SFXN3: variants seen among roughly 807,000 people sequenced by gnomAD.
The protein encoded by SFXN3 is sideroflexin-3.
Under a neutral mutation model 40.4 loss-of-function variants are expected in SFXN3, and 31 were observed. The ratio of observed to expected loss-of-function variants is 0.77; its 90% CI spans 0.58 to 1.04. The LOEUF (loss-of-function observed/expected upper bound fraction) is 1.04, where lower values mean the gene tolerates loss of function less well. Among genes scored for constraint, SFXN3 ranks in the 50% least tolerant of loss-of-function variants. The probability of loss-of-function intolerance (pLI) is 0.00; values close to 1 mark genes in which losing one functional copy is unlikely to be tolerated. For synonymous variants in SFXN3, 157 were observed against 160.0 expected, an observed-to-expected ratio of 0.98 and a Z score of 0.14; for missense variants, 366 against 408.2, an observed-to-expected ratio of 0.90 and a Z score of 0.89.
Position 101,036,623 on chromosome 10 carries a change from T to C in SFXN3, c.507+62T>C, listed in dbSNP as rs747496621. The C allele has an allele frequency of 1.2e-6, 2 of 1,612,858 alleles. No individual in the cohort carries two copies. Among genetic ancestry groups the C allele is most frequent in the Non-Finnish European group, 8.5e-7 (1 of 1,179,352 alleles). ...CCTCTATCTGCCTCCTTCTTCCTCA[T>C]CACACCTCCAGTTCTGACCTATATG... is the stretch of plus-strand genomic sequence containing the variant. On this transcript the variant is annotated intron_variant, in intron 6 of 11. Transcript: ENST00000393459. The surrounding 1 kb of genome is among the most constrained non-coding windows in gnomAD (Gnocchi z 4.2).
rs201003351 is a variant in SFXN3, at chr10:101,037,235, A to G, written c.721+32A>G. 281 of 1,613,318 alleles carry G rather than the reference A, an allele frequency of 1.7e-4. 1 individual carries two copies. The Middle Eastern group carries it at 7.1e-3, about 41-fold the overall frequency. ...CGGGAGTGGCTGGGTGGGGCATAGGAGACTCTGAGAGAAGCAGGTGCAGTT... is the reference window on the plus strand; with the variant it reads ...CGGGAGTGGCTGGGTGGGGCATAGGGGACTCTGAGAGAAGCAGGTGCAGTT... On this transcript the variant is annotated intron_variant, in intron 8 of 11. Transcript: ENST00000393459.
intron 9 of SFXN3, 74 bp from the exon 10 acceptor site, chr10:101,038,569 C>CTA: frequency 6.2e-7 from 1 of 1,612,838 alleles, no homozygotes; most frequent in Non-Finnish European, 8.5e-7. Flanking sequence ...TGGGATAGAG[C>CTA]TATGGTGGGT....
chr10:101,039,578 G>C lies in SFXN3; in HGVS notation c.959G>C (p.Gly320Ala). 6.2e-7 allele frequency: 1 copy of C among 1,614,042 alleles called. No individual in the cohort carries two copies. Among genetic ancestry groups the C allele is most frequent in the Non-Finnish European group, 8.5e-7 (1 of 1,179,934 alleles). ...GTTGAAGTGGTCTACTACAACAAGG[G>C]GCTTTGAGGAGGGTCAGCCTCTGTC... The change falls in exon 12 of 12, where the codon GGG (glycine) becomes GCG (alanine). Residue 320 changes from glycine to alanine, a missense_variant. By Grantham distance (60) the Gly-to-Ala change is moderately conservative (BLOSUM62 0). Transcript: ENST00000393459. This position sits in a 1 kb window ranked among gnomAD's most constrained non-coding sequence, Gnocchi z 4.6.
At chr10:101,038,644 G>C (rs149861682) in exon 10 of SFXN3, 1 of 1,613,556 alleles carries the variant, frequency 6.2e-7, no homozygotes, top group African/African-American at 1.3e-5. Flanking sequence ...TCTCCACAGC[G>C]CCGCCCCTGG....
intron 2 of SFXN3, among the ~76,000 whole-genome samples, chr10:101,032,803 G>A (rs959017840): frequency 5.3e-5 from 8 of 152,166 alleles, no homozygotes; most frequent in African/African-American, 1.7e-4. Context: ...TGAGTGTGAG[G>A]GGAGGGCGTC....
Position 101,039,697 on chromosome 10 carries a change from G to T in SFXN3, c.*112G>T. The T allele has an allele frequency of 1.9e-6, 2 of 1,042,408 alleles. No homozygotes were observed. Among genetic ancestry groups the T allele is most frequent in the Admixed American group, 1.9e-5 (1 of 52,390 alleles). The allele number at this position is 1,042,408 out of a possible 1,614,324, so 64.6% of individuals were successfully genotyped here. On this transcript the variant is annotated 3_prime_UTR_variant, in exon 12 of 12. Transcript: ENST00000393459. The surrounding 1 kb of genome is among the most constrained non-coding windows in gnomAD (Gnocchi z 4.6). ...TAGCACTGGGCAGGGGCCTTGGTGG[G>T]CAGATGGCAATTGAGGGTAGCAACC...
At chr10:101,037,961 A>C in intron 9 of SFXN3, 1 of 600,980 alleles carries the variant, frequency 1.7e-6, no homozygotes, top group African/African-American at 2.0e-5. Context: ...TCTGATGCAG[A>C]AACCAATAAA....
chr10:101,032,352 G>A, exon 2 of SFXN3: 9 of 1,241,798 alleles, frequency 7.2e-6, no homozygotes, highest in Non-Finnish European at 9.7e-6. Flanking sequence ...GGGCGCGGCC[G>A]GGAAGCTCCT....
chr10:101,038,060 G>T, intron 9 of SFXN3: 1 of 239,126 alleles, frequency 4.2e-6, no homozygotes, highest in Non-Finnish European at 7.1e-6. Flanking sequence ...AGATTCATGG[G>T]GGAGAGCTGT....
chr10:101,038,411 AG>A, intron 9 of SFXN3: 1 of 1,412,814 alleles, frequency 7.1e-7, no homozygotes, highest in Non-Finnish European at 9.2e-7. Context: ...ACCAATTCTG[AG>A]AGGTGAGAGG....
exon 2 of SFXN3, chr10:101,032,433 G>A: frequency 1.3e-6 from 2 of 1,523,450 alleles, no homozygotes; most frequent in Non-Finnish European, 1.8e-6. Context: ...CGGCGACAGC[G>A]GAGGCAGAGA....
At chr10:101,037,185 A>G in exon 8 of SFXN3, 2 of 1,614,028 alleles carry the variant, frequency 1.2e-6, no homozygotes, top group South Asian at 1.1e-5. Flanking sequence ...AAGAATCTGC[A>G]TGGCGATTCC....
In SFXN3 at chr10:101,036,361, G is replaced by T. The variant is rs903498827; in HGVS notation, c.432-125G>T. On this transcript the variant is annotated intron_variant, in intron 5 of 11. Transcript: ENST00000393459. The surrounding 1 kb of genome is among the most constrained non-coding windows in gnomAD (Gnocchi z 4.2). ...AAGTTTACGCCGGAGATGGAGGGAA[G>T]GCTTCTTCTGCAAGGAGCTTCCCCT... 4.2e-6 allele frequency: 4 copies of T among 943,138 alleles called. No individual in the cohort carries two copies. In the African/African-American group the frequency reaches 4.9e-5, roughly 12 times the overall value. 58.4% of individuals were successfully genotyped at this position (943,138 alleles called of 1,614,324 possible). A position where few individuals can be genotyped will look rare whatever the true frequency, so the allele number is the denominator to read the frequency against.
chr10:101,032,161 G>C (rs1375253771), intron 1 of SFXN3, 153 bp from the exon 2 acceptor site: 1 of 346,958 alleles, frequency 2.9e-6, no homozygotes, highest in Non-Finnish European at 5.2e-6. Flanking sequence ...AACCAAGGGA[G>C]CAGCGCCCGC....
exon 12 of SFXN3, chr10:101,040,746 CTAGT>C (rs1323932759): frequency 1.3e-5 from 2 of 152,114 alleles, no homozygotes; most frequent in East Asian, 3.9e-4. Context: ...CCACATCTTG[CTAGT>C]TTTGTATTTT....
At chr10:101,034,951 C>A in intron 3 of SFXN3, 96 bp downstream of exon 3, 11 of 1,459,544 alleles carry the variant, frequency 7.5e-6, no homozygotes, top group East Asian at 2.3e-5. Flanking sequence ...TTGACAGTGA[C>A]CCTGTCCCTC....
chr10:101,038,947 T>A lies in SFXN3; in HGVS notation c.822-228T>A, dbSNP rs148685645. On this transcript the variant is annotated intron_variant, in intron 10 of 11. Transcript: ENST00000393459. ...CATGGAAATGTACCTTTTGGTGCCA[T>A]CCAGGAGATTCATGCCCATTTAATT... 4.1e-3 allele frequency among the ~76,000 whole-genome samples: 617 copies of A among 152,236 alleles called. 4 individuals are homozygous for A. Among genetic ancestry groups the A allele is most frequent in the African/African-American group, 0.014 (593 of 41,506 alleles).
In SFXN3 at chr10:101,034,874, G is replaced by C. The variant is rs750646932; in HGVS notation, c.161+19G>C. The stretch of plus-strand genomic sequence containing the variant: ...ACTACAGGTGACCACCCCTCAATCT[G>C]ACCCTGTGTGCCAGGATCTCATTTT... On this transcript the variant is annotated intron_variant, in intron 3 of 11. Transcript: ENST00000393459. The C allele has an allele frequency of 6.2e-7, 1 of 1,605,216 alleles. No homozygotes were observed. Among genetic ancestry groups the C allele is most frequent in the South Asian group, 1.1e-5 (1 of 90,060 alleles).
At chr10:101,033,078 C>G (rs762021300) in intron 2 of SFXN3, among the ~76,000 whole-genome samples, 1 of 152,120 alleles carries the variant, frequency 6.6e-6, no homozygotes, top group African/African-American at 2.4e-5. Flanking sequence ...AGGACTTGTG[C>G]GTGCCCACAT....
Sources: allele counts gnomAD v4.1 joint callset (sites outside exome capture counted in the v4.1 genomes callset), GRCh38; gene constraint gnomAD v4.1.1; non-coding constraint Gnocchi (gnomAD v3.1); transcripts MANE v1.5; gene names NCBI Gene and HGNC (gene_info 2026-07-23, HGNC 2026-07-21).